KCNIP4: variants seen among roughly 807,000 people sequenced by gnomAD.
KCNIP4 encodes Kv channel-interacting protein 4.
KCNIP4 carries 12 observed loss-of-function variants against 34.0 expected under a neutral mutation model. The ratio of observed to expected loss-of-function variants is 0.35; its 90% CI spans 0.23 to 0.57. The LOEUF is 0.57. KCNIP4 is among the 20% of genes least tolerant of loss of function. The probability of loss-of-function intolerance (pLI) is 0.83; values close to 1 mark genes in which losing one functional copy is unlikely to be tolerated. For synonymous variants in KCNIP4, 124 were observed against 102.2 expected (o/e 1.21, Z -1.29); for missense variants, 238 against 311.7 (o/e 0.76, Z 1.78).
chr4:21,193,172 A>G (rs1450330779), intron 1 of KCNIP4, among the ~76,000 whole-genome samples: 2 of 152,064 alleles, frequency 1.3e-5, no homozygotes, highest in Non-Finnish European at 2.9e-5. Context: ...AGACTCATAA[A>G]TGATCACAGC....
intron 1 of KCNIP4, among the ~76,000 whole-genome samples, chr4:20,975,330 G>A (rs1291846183): frequency 6.6e-6 from 1 of 152,116 alleles, no homozygotes; most frequent in Non-Finnish European, 1.5e-5. Flanking sequence ...AAATTAAAAT[G>A]GGTCTTTAAC....
At chr4:21,659,307 T>C (rs572298591) in intron 1 of KCNIP4, among the ~76,000 whole-genome samples, 1 of 152,330 alleles carries the variant, frequency 6.6e-6, no homozygotes, top group African/African-American at 2.4e-5. Context: ...CAAAGCAGTT[T>C]TAACCATAAA....
intron 1 of KCNIP4, among the ~76,000 whole-genome samples, chr4:20,982,423 A>T (rs976249722): frequency 3.3e-5 from 5 of 152,222 alleles, no homozygotes; most frequent in Non-Finnish European, 5.9e-5. Flanking sequence ...AGAATGCAAA[A>T]TTGTGTAACA....
At chr4:21,589,410 G>A (rs2125967) in intron 1 of KCNIP4, among the ~76,000 whole-genome samples, 3,622 of 147,442 alleles carry the variant, frequency 0.025, 83 homozygotes, top group South Asian at 0.039. Context: ...TAAGGCAAGG[G>A]TTCTAGAGAA....
intron 1 of KCNIP4, among the ~76,000 whole-genome samples, chr4:21,810,757 G>A (rs1301136925): frequency 1.3e-5 from 2 of 149,508 alleles, no homozygotes; most frequent in African/African-American, 4.9e-5. Context: ...TTTTTTATGA[G>A]AAGGAAGAAC....
rs114968315 is a variant in KCNIP4 at position 21,698,515 on chromosome 4, T to C, written c.61+250056A>G. Among the ~76,000 whole-genome samples the C allele has an allele frequency of 5.0e-3, 757 of 152,278 alleles. 5 individuals carry two copies. The highest frequency in any genetic ancestry group is 8.6e-3 in the Non-Finnish European group (588 of 68,012). ...CACAAAGTACTTTCCTTTTAAGACA[T>C]TGGGATAGAGGCAGTTGCTGTGAAA... On this transcript the variant is annotated intron_variant, in intron 1 of 8. Coordinates refer to ENST00000382152, the MANE Select transcript of KCNIP4 (RefSeq NM_025221.6).
chr4:20,897,028 G>A (rs184571106), intron 1 of KCNIP4, among the ~76,000 whole-genome samples: 9 of 151,936 alleles, frequency 5.9e-5, no homozygotes, highest in Non-Finnish European at 1.0e-4. Flanking sequence ...GTGTGAAATT[G>A]GCATGTTCTA....
chr4:21,031,529 A>C (rs1448856476), intron 1 of KCNIP4, among the ~76,000 whole-genome samples: 1 of 152,136 alleles, frequency 6.6e-6, no homozygotes, highest in Non-Finnish European at 1.5e-5. Flanking sequence ...TTATACTGTG[A>C]CATTCTGTAA....
At chr4:21,323,143 A>AGTATATATATATATATATAT (rs1441792457) in intron 1 of KCNIP4, among the ~76,000 whole-genome samples, 2 of 85,914 alleles carry the variant, frequency 2.3e-5, no homozygotes, top group Non-Finnish European at 4.4e-5. Context: ...CTCTTTTGTA[A>AGTATATATATATATATATAT]GTATATATAT....
intron 1 of KCNIP4, among the ~76,000 whole-genome samples, chr4:21,666,075 C>A (rs1361088657): frequency 6.6e-6 from 1 of 152,156 alleles, no homozygotes; most frequent in Non-Finnish European, 1.5e-5. Context: ...GTTGCTCCTG[C>A]CTATAGAAGA....
intron 1 of KCNIP4, among the ~76,000 whole-genome samples, chr4:21,510,745 T>C (rs1434559299): frequency 6.6e-6 from 1 of 152,068 alleles, no homozygotes; most frequent in African/African-American, 2.4e-5. Flanking sequence ...TGGCCAGGCA[T>C]GGTGGCTCAT....
intron 3 of KCNIP4, among the ~76,000 whole-genome samples, chr4:20,773,423 G>A (rs1756088268): frequency 6.6e-6 from 1 of 152,136 alleles, no homozygotes; most frequent in African/African-American, 2.4e-5. Context: ...GGACAGTAAA[G>A]CCTCTGTCTC....
chr4:21,612,489 A>G (rs552178748), intron 1 of KCNIP4, among the ~76,000 whole-genome samples: 19 of 152,340 alleles, frequency 1.2e-4, no homozygotes, highest in African/African-American at 4.3e-4. Flanking sequence ...AAGTCATTGA[A>G]TCATGGAATT....
At chr4:21,180,931 G>T (rs1560787302) in intron 1 of KCNIP4, among the ~76,000 whole-genome samples, 2 of 152,184 alleles carry the variant, frequency 1.3e-5, no homozygotes, top group African/African-American at 4.8e-5. Flanking sequence ...TATACTGAAA[G>T]GGGAGGATGT....
At position 21,847,153 on chromosome 4, in the gene KCNIP4, GGTA is replaced by G. The variant is rs374677652; in HGVS notation, c.61+101415_61+101417del. Reference sequence around the variant, plus strand: ...CATCACCTTCTATAACCACCAAAGCGGTAGTAACAGAAGTAATACCTTTTTTCC... The same window carrying G: ...CATCACCTTCTATAACCACCAAAGCGGTAACAGAAGTAATACCTTTTTTCC... On this transcript the variant is annotated intron_variant, in intron 1 of 8. Transcript: ENST00000382152. 26 of 152,134 alleles carry G rather than the reference GGTA, an allele frequency of 1.7e-4. No homozygotes were observed. In the East Asian group the frequency reaches 5.0e-3, roughly 29 times the overall value. The allele number at this position is 152,134 out of a possible 1,614,324, so 9.4% of individuals were successfully genotyped here. A position where few individuals can be genotyped will look rare whatever the true frequency, so the allele number is the denominator to read the frequency against.
At chr4:21,886,510 A>G (rs1726772004) in intron 1 of KCNIP4, among the ~76,000 whole-genome samples, 2 of 152,124 alleles carry the variant, frequency 1.3e-5, no homozygotes, top group African/African-American at 2.4e-5. Context: ...CAGAGGGAGT[A>G]AGCGGATGGG....
At chr4:21,149,553 C>A (rs569369629) in intron 1 of KCNIP4, among the ~76,000 whole-genome samples, 35 of 151,812 alleles carry the variant, frequency 2.3e-4, no homozygotes, top group Non-Finnish European at 4.3e-4. Flanking sequence ...TTGGTGAAAG[C>A]AAATATGTTA....
intron 5 of KCNIP4, among the ~76,000 whole-genome samples, chr4:20,748,056 C>G (rs139232791): frequency 1.1e-4 from 16 of 152,198 alleles, no homozygotes; most frequent in Non-Finnish European, 2.2e-4. Flanking sequence ...TGCACTCTTG[C>G]AATACTTAGC....
chr4:21,293,778 T>G (rs1431803342), intron 1 of KCNIP4, among the ~76,000 whole-genome samples: 1 of 152,184 alleles, frequency 6.6e-6, no homozygotes, highest in Admixed American at 6.5e-5. Context: ...AAAAATCATA[T>G]GTAAAATTGG....
Sources: allele counts gnomAD v4.1 joint callset (sites outside exome capture counted in the v4.1 genomes callset), GRCh38; gene constraint gnomAD v4.1.1; transcripts MANE v1.5; gene names NCBI Gene and HGNC (gene_info 2026-07-23, HGNC 2026-07-21).